The following PDE4D variants were observed in gnomAD, a reference collection of about 807,000 sequenced individuals.
PDE4D encodes the protein phosphodiesterase 4D.
A neutral mutation model predicts 87.4 loss-of-function variants in PDE4D; 24 were observed. The observed-to-expected ratio is 0.27, with a 90% confidence interval of 0.20 to 0.39. The LOEUF (loss-of-function observed/expected upper bound fraction) is 0.39. Ranked by LOEUF, PDE4D falls within the 10% of genes least tolerant of loss-of-function variation. PDE4D has a pLI of 1.00. For synonymous variants in PDE4D, 384 were observed against 383.2 expected (o/e 1.00, Z -0.02); for missense variants, 714 against 1,041.0 (o/e 0.69, Z 4.32).
intron 11 of PDE4D, among the ~76,000 whole-genome samples, chr5:58,980,969 T>C (rs916666723): frequency 6.6e-5 from 10 of 152,262 alleles, no homozygotes; most frequent in African/African-American, 2.4e-4. Flanking sequence ...CAGGAGAATA[T>C]GTATGTCCAG....
chr5:59,214,269 G>C (rs1258402382), intron 2 of PDE4D, among the ~76,000 whole-genome samples: 1 of 152,112 alleles, frequency 6.6e-6, no homozygotes, highest in African/African-American at 2.4e-5. Context: ...ACAAGAATAT[G>C]ATCATGCCAA....
intron 1 of PDE4D, chr5:59,356,919 G>A (rs1053339993): frequency 6.9e-6 from 10 of 1,450,594 alleles, no homozygotes; most frequent in Non-Finnish European, 5.4e-6. Context: ...GGGCCCTGAG[G>A]CCCCGCACGG....
intron 1 of PDE4D, among the ~76,000 whole-genome samples, chr5:59,820,023 C>T (rs893816053): frequency 6.6e-6 from 1 of 152,176 alleles, no homozygotes; most frequent in African/African-American, 2.4e-5. Flanking sequence ...AGCCCCTTGG[C>T]CTGTCAGAAA....
intron 1 of PDE4D, chr5:59,275,538 G>A: frequency 6.9e-7 from 1 of 1,454,628 alleles, no homozygotes; most frequent in Non-Finnish European, 9.0e-7. Context: ...TTTTCCTGGA[G>A]TCCATCTCCT....
chr5:60,372,620 C>T (rs2149987141), intron 1 of PDE4D: 1 of 152,298 alleles, frequency 6.6e-6, no homozygotes, highest in African/African-American at 2.4e-5. Context: ...TTTCTTCAGG[C>T]TCAGAGGAAG....
At chr5:60,389,231 G>A (rs1227392575) in intron 1 of PDE4D, among the ~76,000 whole-genome samples, 1 of 152,132 alleles carries the variant, frequency 6.6e-6, no homozygotes, top group East Asian at 1.9e-4. Context: ...ACACAGTAGT[G>A]AGAAGAAATT....
rs1781435084 is a variant in PDE4D at position 59,163,319 on chromosome 5, T to C, written c.808+17276A>G. ...AGACAGTTTCACTTTTTGCCTAGGC[T>C]GAAGTGCAATGGCGCGATCTCAGCT... On this transcript the variant is annotated intron_variant, in intron 5 of 14. Coordinates refer to ENST00000340635, the MANE Select transcript of PDE4D (RefSeq NM_001104631.2). Among the ~76,000 whole-genome samples the C allele has an allele frequency of 8.0e-5, 12 of 149,652 alleles. No homozygotes were observed. In the South Asian group the frequency reaches 1.3e-3, roughly 16 times the overall value.
intron 5 of PDE4D, among the ~76,000 whole-genome samples, chr5:59,058,814 T>G (rs1273728379): frequency 2.0e-5 from 3 of 152,158 alleles, no homozygotes; most frequent in Non-Finnish European, 4.4e-5. Context: ...AGTCTTCCTT[T>G]TAAACTTGGG....
chr5:60,276,068 A>T (rs1329158808), intron 1 of PDE4D, among the ~76,000 whole-genome samples: 1 of 152,184 alleles, frequency 6.6e-6, no homozygotes, highest in African/African-American at 2.4e-5. Flanking sequence ...TATTGTTATA[A>T]ATTCTATAGA....
At chr5:60,469,677 T>C (rs1747669407) in intron 1 of PDE4D, among the ~76,000 whole-genome samples, 1 of 152,180 alleles carries the variant, frequency 6.6e-6, no homozygotes, top group Non-Finnish European at 1.5e-5. Flanking sequence ...TCATTGTTAT[T>C]ATATTTGTTA....
intron 1 of PDE4D, among the ~76,000 whole-genome samples, chr5:59,222,161 A>G (rs1188500549): frequency 6.6e-6 from 1 of 152,096 alleles, no homozygotes; most frequent in Non-Finnish European, 1.5e-5. Flanking sequence ...ACACTGTTCC[A>G]TTTCAGTGGA....
At chr5:59,747,800 T>C (rs1052565701) in intron 1 of PDE4D, among the ~76,000 whole-genome samples, 1 of 152,174 alleles carries the variant, frequency 6.6e-6, no homozygotes, top group African/African-American at 2.4e-5. Flanking sequence ...GGGCAACTCC[T>C]TGGCTTGTGC....
At chr5:59,199,854 A>C (rs894680010) in intron 2 of PDE4D, among the ~76,000 whole-genome samples, 1 of 151,990 alleles carries the variant, frequency 6.6e-6, no homozygotes, top group Admixed American at 6.6e-5. Flanking sequence ...GTATATATAC[A>C]TACATGTACA....
intron 1 of PDE4D, among the ~76,000 whole-genome samples, chr5:60,340,037 A>C (rs1364353413): frequency 1.3e-5 from 2 of 152,228 alleles, no homozygotes; most frequent in African/African-American, 2.4e-5. Context: ...TAAACCAGCC[A>C]AAACCACCGG....
At chr5:59,827,768 G>T (rs553391091) in intron 1 of PDE4D, among the ~76,000 whole-genome samples, 1 of 152,168 alleles carries the variant, frequency 6.6e-6, no homozygotes, top group Admixed American at 6.6e-5. Flanking sequence ...AGCTCAACCA[G>T]AATTTGATCT....
intron 1 of PDE4D, among the ~76,000 whole-genome samples, chr5:59,481,431 A>C (rs1804232813): frequency 1.3e-5 from 2 of 151,822 alleles, no homozygotes; most frequent in African/African-American, 4.8e-5. Context: ...CCCCTTAGCC[A>C]TATGTCCTGA....
chr5:60,231,917 A>G (rs1280420015), intron 1 of PDE4D, among the ~76,000 whole-genome samples: 1 of 151,974 alleles, frequency 6.6e-6, no homozygotes, highest in Admixed American at 6.6e-5. Context: ...TGAGTTAAAC[A>G]GACAATAAAT....
At chr5:60,406,419 C>A (rs1741535906) in intron 1 of PDE4D, among the ~76,000 whole-genome samples, 1 of 152,234 alleles carries the variant, frequency 6.6e-6, no homozygotes, top group East Asian at 1.9e-4. Flanking sequence ...TTTATAACCG[C>A]CATAACTCTC....
intron 1 of PDE4D, among the ~76,000 whole-genome samples, chr5:59,573,401 T>A (rs970236193): frequency 6.6e-6 from 1 of 152,044 alleles, no homozygotes; most frequent in African/African-American, 2.4e-5. Flanking sequence ...ATATTAGTGG[T>A]CTTCCCACCC....
Sources: allele counts gnomAD v4.1 joint callset (sites outside exome capture counted in the v4.1 genomes callset), GRCh38; gene constraint gnomAD v4.1.1; transcripts MANE v1.5; gene names NCBI Gene and HGNC (gene_info 2026-07-23, HGNC 2026-07-21).